The following AIG1 variants were observed in gnomAD, a reference collection of about 807,000 sequenced individuals.
AIG1 encodes androgen-induced gene 1 protein.
In AIG1, 23 loss-of-function variants were observed where a neutral mutation model predicts 31.4. The observed-to-expected ratio is 0.73, with a 90% confidence interval of 0.53 to 1.04. The LOEUF is 1.04. Among genes scored for constraint, AIG1 ranks in the 50% least tolerant of loss-of-function variants. The probability of loss-of-function intolerance (pLI) is 0.00; values close to 1 mark genes in which losing one functional copy is unlikely to be tolerated. For missense variants in AIG1, 274 were observed against 295.0 expected (o/e 0.93, Z 0.52); for synonymous variants, 100 against 110.5 (o/e 0.90, Z 0.60).
intron 3 of AIG1, 141 bp from the exon 4 acceptor site, chr6:143,283,969 T>G: frequency 1.9e-6 from 1 of 520,190 alleles, no homozygotes; most frequent in Non-Finnish European, 3.4e-6. Flanking sequence ...ACGTCCATTC[T>G]ACTTCTTTGG....
intron 3 of AIG1, among the ~76,000 whole-genome samples, chr6:143,228,098 C>A (rs1439639128): frequency 9.9e-5 from 15 of 152,190 alleles, no homozygotes; most frequent in Non-Finnish European, 1.0e-4. Flanking sequence ...GCCCCTCCCA[C>A]TCGGACCTCC....
intron 3 of AIG1, among the ~76,000 whole-genome samples, chr6:143,270,364 A>G (rs1286755048): frequency 6.6e-6 from 1 of 152,242 alleles, no homozygotes; most frequent in East Asian, 1.9e-4. Flanking sequence ...AAAAAGGCAT[A>G]GGAATTTGAT....
In AIG1 at chr6:143,179,015, G is replaced by A. The variant is rs9373377; in HGVS notation, c.399+13832G>A. Among the ~76,000 whole-genome samples, 486 of 152,304 alleles carry A rather than the reference G, an allele frequency of 3.2e-3. 13 individuals are homozygous for A. The East Asian group carries it at 0.062, about 19-fold the overall frequency. On this transcript the variant is annotated intron_variant, in intron 3 of 5. Transcript: ENST00000357847. The stretch of plus-strand genomic sequence containing the variant: ...TCTGGGGAGTGGGCTCAACCAGGTA[G>A]ATGGGGAGGGGAGAGAGAGAGAAAA...
At chr6:143,110,853 A>T (rs909682720) in intron 1 of AIG1, among the ~76,000 whole-genome samples, 3 of 152,204 alleles carry the variant, frequency 2.0e-5, no homozygotes, top group Admixed American at 6.5e-5. Context: ...TTGAATGAAT[A>T]AACCAATGCA....
At position 143,291,558 on chromosome 6, in the gene AIG1, C is replaced by A. The variant is rs1475904724; in HGVS notation, c.515+7333C>A. Among the ~76,000 whole-genome samples, 1 of 152,228 alleles carries A rather than the reference C, an allele frequency of 6.6e-6. No individual in the cohort carries two copies. The highest frequency in any genetic ancestry group is 1.5e-5 in the Non-Finnish European group (1 of 68,038). On this transcript the variant is annotated intron_variant, in intron 4 of 5. Coordinates refer to ENST00000357847, the MANE Select transcript of AIG1 (RefSeq NM_016108.4). This position sits in a 1 kb window ranked among gnomAD's most constrained non-coding sequence, Gnocchi z 4.2. ...AGGGATTTGCCAATGACAGGGAAAG[C>A]CCCTTGCATAAGCACAGGCAGTGAA...
intron 1 of AIG1, among the ~76,000 whole-genome samples, chr6:143,104,267 C>A (rs1356843433): frequency 6.6e-6 from 1 of 152,186 alleles, no homozygotes; most frequent in Non-Finnish European, 1.5e-5. Flanking sequence ...AGTTACCGTG[C>A]TTAGAGCCTA....
intron 3 of AIG1, among the ~76,000 whole-genome samples, chr6:143,215,195 A>G (rs1791933444): frequency 6.6e-6 from 1 of 152,114 alleles, no homozygotes. Context: ...CATAAGATAA[A>G]ATAAATAGTA....
intron 3 of AIG1, among the ~76,000 whole-genome samples, chr6:143,168,526 C>A (rs1284248592): frequency 2.0e-5 from 3 of 150,754 alleles, no homozygotes; most frequent in Admixed American, 1.3e-4. Context: ...TTTGTCCTTG[C>A]GATAGTTTGC....
chr6:143,091,781 A>G (rs546016278), intron 1 of AIG1, among the ~76,000 whole-genome samples: 3 of 152,356 alleles, frequency 2.0e-5, no homozygotes, highest in East Asian at 3.9e-4. Context: ...TCCAAATATT[A>G]TCAATTAATT....
At chr6:143,136,551 T>G (rs1467345047) in intron 1 of AIG1, among the ~76,000 whole-genome samples, 4 of 152,242 alleles carry the variant, frequency 2.6e-5, no homozygotes, top group Non-Finnish European at 5.9e-5. Flanking sequence ...GCTGGTTTGA[T>G]CGTTGATACT....
At position 143,298,520 on chromosome 6, in the gene AIG1, AT is replaced by A. The variant is rs1450334420; in HGVS notation, c.515+14296del. Among the ~76,000 whole-genome samples, 2 of 152,238 alleles carry A rather than the reference AT, an allele frequency of 1.3e-5. No individual in the cohort carries two copies. Among genetic ancestry groups the A allele is most frequent in the African/African-American group, 4.8e-5 (2 of 41,462 alleles). ...GGCATCTTCCAAGTAGATAAGTCTA[AT>A]ATAAGATGCTATCCATTTAAAAGTA... On this transcript the variant is annotated intron_variant, in intron 4 of 5. Transcript: ENST00000357847. The surrounding 1 kb of genome is among the most constrained non-coding windows in gnomAD (Gnocchi z 5.1).
chr6:143,103,501 C>CTTTTTTTTTTTTTTTT (rs1173435325), intron 1 of AIG1, among the ~76,000 whole-genome samples: 1 of 84,210 alleles, frequency 1.2e-5, no homozygotes, highest in Non-Finnish European at 2.3e-5. Context: ...CAGAAGTTTT[C>CTTTTTTTTTTTTTTTT]TTTTTTTTTT....
chr6:143,142,561 G>A (rs1033494693), intron 2 of AIG1, among the ~76,000 whole-genome samples: 3 of 152,064 alleles, frequency 2.0e-5, no homozygotes, highest in Middle Eastern at 3.4e-3. Context: ...TTTCTGAGTG[G>A]GCCTGAGGAG....
intron 1 of AIG1, among the ~76,000 whole-genome samples, chr6:143,079,778 CCTTTT>C (rs1396771045): frequency 3.0e-5 from 4 of 134,200 alleles, no homozygotes; most frequent in African/African-American, 1.2e-4. Flanking sequence ...AGGATAGATT[CCTTTT>C]TTTTTTTTTT....
intron 1 of AIG1, among the ~76,000 whole-genome samples, chr6:143,119,658 C>G (rs956257030): frequency 4.6e-5 from 7 of 152,234 alleles, no homozygotes; most frequent in African/African-American, 9.6e-5. Flanking sequence ...CCCTTCTCCA[C>G]TCAGTGTTTC....
At chr6:143,184,997 A>G (rs1223370416) in intron 3 of AIG1, among the ~76,000 whole-genome samples, 3 of 152,040 alleles carry the variant, frequency 2.0e-5, no homozygotes, top group African/African-American at 4.8e-5. Flanking sequence ...AGAGATGGAG[A>G]CCATTCTGGC....
rs1221864599 is a variant in AIG1 at position 143,331,265 on chromosome 6, A to T, written c.516-2017A>T. Among the ~76,000 whole-genome samples, 4 of 152,164 alleles carry T rather than the reference A, an allele frequency of 2.6e-5. No homozygotes were observed. The highest frequency in any genetic ancestry group is 6.5e-5 in the Admixed American group (1 of 15,278). On this transcript the variant is annotated intron_variant, in intron 4 of 5. Transcript: ENST00000357847. This position sits in a 1 kb window ranked among gnomAD's most constrained non-coding sequence, Gnocchi z 4.1. ...ATTTAATGTCCTTAAATGTATTTAC[A>T]ACATTGTGTAACCATCACCAGTATC... is the stretch of plus-strand genomic sequence containing the variant.
chr6:143,060,497 G>A, upstream of AIG1: 1 of 227,020 alleles, frequency 4.4e-6, no homozygotes, highest in Non-Finnish European at 1.0e-5. Context: ...CCGGCCCGGC[G>A]CCCACTAGCC....
chr6:143,084,488 G>C (rs9403438), intron 1 of AIG1, among the ~76,000 whole-genome samples: 3 of 152,060 alleles, frequency 2.0e-5, no homozygotes, highest in African/African-American at 7.2e-5. Flanking sequence ...TTCTTATCCC[G>C]TTTGTCCCAT....
Sources: gnomAD v4.1 joint callset for allele counts (sites outside exome capture counted in the v4.1 genomes callset) on GRCh38, gnomAD v4.1.1 for gene constraint, Gnocchi (gnomAD v3.1) non-coding constraint, MANE v1.5 for transcripts, NCBI Gene and HGNC (gene_info 2026-07-23, HGNC 2026-07-21) for gene names.